The following HYDIN variants were observed in gnomAD, a reference collection of about 807,000 sequenced individuals.
HYDIN encodes the protein HYDIN axonemal central pair apparatus protein.
HYDIN carries 132 observed loss-of-function variants against 403.9 expected under a neutral mutation model. That is an observed-to-expected ratio of 0.33 (90% confidence interval 0.28 to 0.38). The LOEUF (loss-of-function observed/expected upper bound fraction) is 0.38, where lower values mean the gene tolerates loss of function less well. Among genes scored for constraint, HYDIN ranks in the 10% least tolerant of loss-of-function variants. HYDIN has a pLI of 1.00. For synonymous variants in HYDIN, 1,202 were observed against 1,891.7 expected (o/e 0.64, Z 9.46); for missense variants, 2,827 against 5,009.5 (o/e 0.56, Z 13.15).
intron 30 of HYDIN, 150 bp downstream of exon 30, chr16:70,978,764 T>TG: frequency 1.2e-6 from 1 of 817,134 alleles, no homozygotes; most frequent in Admixed American, 3.0e-5. Flanking sequence ...TCAGAGACCA[T>TG]GTCCTTGCCC....
At chr16:70,981,635 T>C (rs2079049032) in intron 28 of HYDIN, 67 bp from the exon 29 acceptor site, 2 of 1,461,546 alleles carry the variant, frequency 1.4e-6, no homozygotes, top group Non-Finnish European at 9.1e-7. Context: ...CTCATTAAAT[T>C]ACTTAAAACA....
chr16:70,953,290 G>C (rs2078128796), intron 40 of HYDIN, among the ~76,000 whole-genome samples: 1 of 151,956 alleles, frequency 6.6e-6, no homozygotes, highest in Non-Finnish European at 1.5e-5. Flanking sequence ...TCCAGGTGCT[G>C]GGACTACAGT....
intron 3 of HYDIN, 84 bp from the exon 4 acceptor site, chr16:71,179,131 G>C: frequency 9.9e-7 from 1 of 1,011,484 alleles, no homozygotes; most frequent in Non-Finnish European, 1.4e-6. Context: ...ACGTAGACCT[G>C]TGGATATTAA....
intron 45 of HYDIN, among the ~76,000 whole-genome samples, chr16:70,922,830 T>C (rs1190724191): frequency 4.9e-4 from 72 of 147,064 alleles, no homozygotes; most frequent in Admixed American, 8.3e-4. Context: ...TGTAGTGGTA[T>C]GATCACAGCT....
rs1234271782 is a variant in HYDIN at position 70,807,622 on chromosome 16, A to C, written c.15324T>G (p.Thr5108=). The C allele has an allele frequency of 6.2e-7, 1 of 1,613,950 alleles. No individual in the cohort carries two copies. The highest frequency in any genetic ancestry group is 8.5e-7 in the Non-Finnish European group (1 of 1,179,982). The part of the protein sequence containing the change: ...VSCPPGEGSE[T]GVKWVYYLKG... ...TCAGATAATAAACCCATTTAACTCC[A>C]GTCTCACTCCCTTCACCAGGAGGGC... The change falls in exon 86 of 86, where the codon ACT becomes ACG. Residue 5108 remains threonine, a synonymous_variant. Coordinates refer to ENST00000393567, the MANE Select transcript of HYDIN (RefSeq NM_001270974.2).
intron 41 of HYDIN, among the ~76,000 whole-genome samples, chr16:70,944,249 T>C (rs1354180233): frequency 6.6e-6 from 1 of 152,210 alleles, no homozygotes; most frequent in Non-Finnish European, 1.5e-5. Context: ...GTACTAGGGA[T>C]ATAACAACAA....
chr16:70,962,749 A>G (rs2078457563), intron 37 of HYDIN, among the ~76,000 whole-genome samples: 1 of 146,718 alleles, frequency 6.8e-6, no homozygotes, highest in African/African-American at 2.6e-5. Context: ...AGGGCAAGAC[A>G]TTCCCTTTGT....
intron 23 of HYDIN, among the ~76,000 whole-genome samples, chr16:71,005,276 C>T (rs1402728276): frequency 6.6e-6 from 1 of 151,926 alleles, no homozygotes; most frequent in Non-Finnish European, 1.5e-5. Context: ...CTGTGCTGTC[C>T]AATACATAGC....
chr16:70,925,104 G>C (rs889636668), intron 45 of HYDIN, among the ~76,000 whole-genome samples: 1 of 152,076 alleles, frequency 6.6e-6, no homozygotes, highest in African/African-American at 2.4e-5. Context: ...CTAGCTGACT[G>C]CCAGCATCAA....
At chr16:71,040,070 C>A (rs1363079972) in intron 18 of HYDIN, among the ~76,000 whole-genome samples, 3 of 151,812 alleles carry the variant, frequency 2.0e-5, no homozygotes, top group Non-Finnish European at 4.4e-5. Context: ...CCTGCTGGCA[C>A]CCAGGAGTGC....
At chr16:71,016,015 A>G (rs1053757026) in intron 23 of HYDIN, among the ~76,000 whole-genome samples, 30 of 152,184 alleles carry the variant, frequency 2.0e-4, no homozygotes, top group Middle Eastern at 6.8e-3. Context: ...AACAGGCAAC[A>G]TGGAGCTCAG....
chr16:71,190,020 A>C (rs935778713), intron 1 of HYDIN, among the ~76,000 whole-genome samples: 7 of 152,188 alleles, frequency 4.6e-5, no homozygotes, highest in Non-Finnish European at 8.8e-5. Flanking sequence ...CTTAACATTT[A>C]AATTGAAAAT....
chr16:70,984,384 TA>T (rs71387558), intron 28 of HYDIN, among the ~76,000 whole-genome samples: 6,171 of 90,710 alleles, frequency 0.068, 228 homozygotes, highest in African/African-American at 0.15. Flanking sequence ...GACATGGTCT[TA>T]AAAAAAAAAA....
intron 1 of HYDIN, among the ~76,000 whole-genome samples, chr16:71,193,289 G>C (rs568751447): frequency 6.6e-6 from 1 of 152,144 alleles, no homozygotes; most frequent in African/African-American, 2.4e-5. Flanking sequence ...CGCTCATTTG[G>C]TTTGTTTTTC....
chr16:71,153,419 CG>C (rs1418880336), intron 6 of HYDIN, among the ~76,000 whole-genome samples: 2 of 150,762 alleles, frequency 1.3e-5, no homozygotes, highest in African/African-American at 4.9e-5. Flanking sequence ...GTAACAGTAG[CG>C]CTGCCACAAA....
chr16:70,892,870 C>A (rs2041556677), intron 55 of HYDIN, among the ~76,000 whole-genome samples: 2 of 152,210 alleles, frequency 1.3e-5, no homozygotes, highest in Non-Finnish European at 2.9e-5. Flanking sequence ...GCTTTCAGCA[C>A]ATGCAGAGCG....
chr16:71,125,312 C>G (rs2084411673), intron 9 of HYDIN, among the ~76,000 whole-genome samples: 2 of 152,042 alleles, frequency 1.3e-5, no homozygotes, highest in South Asian at 2.1e-4. Context: ...CCTGCATTTG[C>G]CAAATTTTTT....
At chr16:70,863,255 T>C (rs2039522104) in intron 67 of HYDIN, 73 bp from the exon 68 acceptor site, 8 of 1,450,560 alleles carry the variant, frequency 5.5e-6, no homozygotes, top group Non-Finnish European at 7.4e-6. Flanking sequence ...ATGTCATCTA[T>C]ACTGTACTTA....
chr16:70,838,389 C>A (rs1567683485), intron 76 of HYDIN, among the ~76,000 whole-genome samples: 1 of 152,020 alleles, frequency 6.6e-6, no homozygotes, highest in African/African-American at 2.4e-5. Flanking sequence ...CAGGGTTTCA[C>A]CATGTTGGCC....
Sources: allele counts gnomAD v4.1 joint callset (sites outside exome capture counted in the v4.1 genomes callset), GRCh38; gene constraint gnomAD v4.1.1; transcripts MANE v1.5; gene names NCBI Gene and HGNC (gene_info 2026-07-23, HGNC 2026-07-21).